Variants in MGAM observed in about 807,000 individuals in gnomAD.
MGAM encodes the protein alpha-1,4-glucosidase.
In MGAM, 253 loss-of-function variants were observed where a neutral mutation model predicts 358.8. The observed-to-expected ratio is 0.71, with a 90% CI of 0.64 to 0.78. The LOEUF is 0.78. Ranked by LOEUF, MGAM falls within the 30% of genes least tolerant of loss-of-function variation. MGAM has a pLI of 0.00. For synonymous variants in MGAM, 1,105 were observed against 1,227.1 expected (o/e 0.90, Z 2.08); for missense variants, 3,080 against 3,432.6 (o/e 0.90, Z 2.57).
At chr7:141,990,367 T>C (rs1380354546) in intron 2 of MGAM, among the ~76,000 whole-genome samples, 1 of 152,206 alleles carries the variant, frequency 6.6e-6, no homozygotes, top group Non-Finnish European at 1.5e-5. Context: ...ATACTTAGTC[T>C]GCTTGGAGGT....
intron 3 of MGAM, among the ~76,000 whole-genome samples, chr7:142,013,822 C>T (rs1805779649): frequency 6.6e-6 from 1 of 152,206 alleles, no homozygotes; most frequent in Non-Finnish European, 1.5e-5. Flanking sequence ...CCTGGGGCTT[C>T]TCTGTTTTCC....
intron 31 of MGAM, among the ~76,000 whole-genome samples, chr7:142,058,916 T>C (rs553635029): frequency 1.3e-5 from 2 of 152,354 alleles, no homozygotes; most frequent in East Asian, 1.9e-4. Flanking sequence ...CCCACTTTTC[T>C]ATTGTTTACA....
chr7:141,990,572 C>T (rs1432362979), intron 2 of MGAM, among the ~76,000 whole-genome samples: 1 of 152,126 alleles, frequency 6.6e-6, no homozygotes, highest in Non-Finnish European at 1.5e-5. Context: ...CTCCAGTGTA[C>T]TTTCCCAGAA....
intron 44 of MGAM, among the ~76,000 whole-genome samples, chr7:142,072,570 G>A (rs1248091859): frequency 6.8e-6 from 1 of 146,326 alleles, no homozygotes; most frequent in Non-Finnish European, 1.5e-5. Context: ...TATCTGAAGT[G>A]TTTAGGACCA....
intron 4 of MGAM, among the ~76,000 whole-genome samples, chr7:142,019,625 T>C (rs1806256184): frequency 1.3e-5 from 2 of 152,232 alleles, no homozygotes; most frequent in African/African-American, 4.8e-5. Context: ...GGATTTGAAA[T>C]TGGTAACCTC....
intron 1 of MGAM, chr7:142,004,609 C>G (rs1805003231): frequency 6.6e-6 from 1 of 151,892 alleles, no homozygotes; most frequent in Non-Finnish European, 1.5e-5. Flanking sequence ...GATTGGTACA[C>G]TAAAAGCCCA....
chr7:142,027,825 A>G (rs2129001144), intron 10 of MGAM, 90 bp downstream of exon 10: 1 of 1,334,238 alleles, frequency 7.5e-7, no homozygotes, highest in East Asian at 2.6e-5. Flanking sequence ...CCTGAGTTTA[A>G]TTGATTTATT....
At chr7:142,059,622 T>C (rs1270462308) in intron 32 of MGAM, 22 bp downstream of exon 32, 1 of 1,610,820 alleles carries the variant, frequency 6.2e-7, no homozygotes, top group South Asian at 1.1e-5. Flanking sequence ...TGTGAATGTG[T>C]GCGGTCTGTT....
chr7:142,022,213 A>G lies in MGAM; in HGVS notation c.711-55A>G, dbSNP rs1308440376. 3 of 1,510,540 alleles carry G rather than the reference A, an allele frequency of 2.0e-6. No homozygotes were observed. The African/African-American group carries it at 4.2e-5, about 21-fold the overall frequency. The allele number at this position is 1,510,540 out of a possible 1,614,324, so 93.6% of individuals were successfully genotyped here. On this transcript the variant is annotated intron_variant, in intron 6 of 70. Transcript: ENST00000475668. Reference sequence around the variant, plus strand: ...ATAAAGGACGCTTTTCTAAGCACTTACGTTCTCTCCACCCTGCTTGCTCAC... The same window carrying G: ...ATAAAGGACGCTTTTCTAAGCACTTGCGTTCTCTCCACCCTGCTTGCTCAC...
intron 36 of MGAM, among the ~76,000 whole-genome samples, chr7:142,063,917 C>T (rs548216255): frequency 6.6e-6 from 1 of 152,204 alleles, no homozygotes; most frequent in Non-Finnish European, 1.5e-5. Flanking sequence ...GTGGAAATTA[C>T]TGGCTTCCCC....
At chr7:142,055,439 T>C (rs1563172674) in intron 27 of MGAM, 119 bp from the exon 28 acceptor site, 1 of 1,236,202 alleles carries the variant, frequency 8.1e-7, no homozygotes, top group Non-Finnish European at 1.2e-6. Flanking sequence ...TCAGTTTTGT[T>C]TGGGATATGA....
rs146093668 is a variant in MGAM at position 142,030,135 on chromosome 7, C to A, written c.1222-227C>A. Reference sequence around the variant, plus strand: ...AGTGCCAGGCAAGGATTGGATGATGCAGTTAACCTGATGGCAGGGAGGGGG... The same window carrying A: ...AGTGCCAGGCAAGGATTGGATGATGAAGTTAACCTGATGGCAGGGAGGGGG... On this transcript the variant is annotated intron_variant, in intron 10 of 70. Transcript: ENST00000475668. 2.3e-4 allele frequency: 114 copies of A among 485,604 alleles called. No individual in the cohort carries two copies. In the East Asian group the frequency reaches 3.5e-3, roughly 15 times the overall value. The allele number at this position is 485,604 out of a possible 1,614,324, so 30.1% of individuals were successfully genotyped here. A position where few individuals can be genotyped will look rare whatever the true frequency, so the allele number is the denominator to read the frequency against.
At chr7:142,041,958 AATAT>A (rs538366756) in intron 21 of MGAM, among the ~76,000 whole-genome samples, 6 of 19,982 alleles carry the variant, frequency 3.0e-4, no homozygotes, top group African/African-American at 9.3e-4. Context: ...ACATATATAT[AATAT>A]ATATATATTA....
chr7:142,095,572 A>C lies in MGAM; in HGVS notation c.7466A>C (p.Asp2489Ala). The C allele has an allele frequency of 6.2e-7, 1 of 1,613,298 alleles. No individual in the cohort carries two copies. Among genetic ancestry groups the C allele is most frequent in the Non-Finnish European group, 8.5e-7 (1 of 1,179,706 alleles). The stretch of plus-strand genomic sequence containing the variant: ...GTTCTCTTTCTCCTTTAGAGACAAG[A>C]CCCTGTGTCCTGGGATGTTGCTTTT... Reference protein sequence around the residue: ...NHNTIGTRRQDPVSWDVAFVN... With the variant: ...NHNTIGTRRQAPVSWDVAFVN... Residue 2489 changes from aspartate to alanine, a missense_variant, in exon 64 of 71, where the codon GAC becomes GCC. Around this residue, in one of 5 missense-constraint regions of MGAM, gnomAD observed 932 missense variants for 1,198.2 expected, o/e 0.78. Transcript: ENST00000475668.
At position 142,064,906 on chromosome 7, in the gene MGAM, T is replaced by A. The variant is rs76793223; in HGVS notation, c.4484+384T>A. Among the ~76,000 whole-genome samples, 859 of 152,210 alleles carry A rather than the reference T, an allele frequency of 5.6e-3. 10 individuals are homozygous for A. Among genetic ancestry groups the A allele is most frequent in the African/African-American group, 0.019 (797 of 41,552 alleles). ...CAAAGTGAATCATCTTTGGAGATGTTTGTATTTTTGGCCATTCTTGGTGGA... is the reference window on the plus strand; with the variant it reads ...CAAAGTGAATCATCTTTGGAGATGTATGTATTTTTGGCCATTCTTGGTGGA... On this transcript the variant is annotated intron_variant, in intron 37 of 70. Coordinates refer to ENST00000475668, the MANE Select transcript of MGAM (RefSeq NM_001365693.1).
chr7:142,049,925 C>A (rs1186865085), intron 22 of MGAM, among the ~76,000 whole-genome samples: 1 of 152,044 alleles, frequency 6.6e-6, no homozygotes, highest in Non-Finnish European at 1.5e-5. Context: ...CCATACAATC[C>A]CATGAAATCC....
chr7:142,003,698 A>T (rs1804918674), intron 1 of MGAM, among the ~76,000 whole-genome samples: 1 of 152,056 alleles, frequency 6.6e-6, no homozygotes, highest in East Asian at 1.9e-4. Flanking sequence ...ATCAGACAAA[A>T]GGGGACTTAA....
At chr7:142,007,002 TA>T (rs1805217377) in intron 2 of MGAM, among the ~76,000 whole-genome samples, 1 of 152,142 alleles carries the variant, frequency 6.6e-6, no homozygotes, top group Non-Finnish European at 1.5e-5. Context: ...ATTGTCCCCA[TA>T]AACTTTTTGT....
Position 142,045,528 on chromosome 7 carries a change from T to C in MGAM, c.2499-2257T>C, listed in dbSNP as rs1246156820. Among the ~76,000 whole-genome samples the C allele has an allele frequency of 1.2e-3, 122 of 98,542 alleles. 12 individuals are homozygous for C. Among genetic ancestry groups the C allele is most frequent in the South Asian group, 9.9e-3 (35 of 3,548 alleles). The allele number at this position is 98,542 out of a possible 152,430, so 64.6% of individuals were successfully genotyped here. On this transcript the variant is annotated intron_variant, in intron 21 of 70. Transcript: ENST00000475668. ...TATTACATATACATATAATATATGATATAATATATATTATATATACATACA... is the reference window on the plus strand; with the variant it reads ...TATTACATATACATATAATATATGACATAATATATATTATATATACATACA...
Sources: allele counts gnomAD v4.1 joint callset (sites outside exome capture counted in the v4.1 genomes callset), GRCh38; gene constraint gnomAD v4.1.1; regional missense constraint gnomAD v4.1.1; transcripts MANE v1.5; gene names NCBI Gene and HGNC (gene_info 2026-07-23, HGNC 2026-07-21).